KIAA1958: variants seen among roughly 807,000 people sequenced by gnomAD.
The protein encoded by KIAA1958 is uncharacterized protein KIAA1958.
In KIAA1958, 14 loss-of-function variants were observed where a neutral mutation model predicts 47.2. The ratio of observed to expected loss-of-function variants is 0.30; its 90% CI spans 0.20 to 0.46. The LOEUF is 0.46. Ranked by LOEUF, KIAA1958 falls within the 20% of genes least tolerant of loss-of-function variation. The pLI is 1.00. For missense variants in KIAA1958, 803 were observed against 909.2 expected, an observed-to-expected ratio of 0.88 and a Z score of 1.50; for synonymous variants, 354 against 353.3, an observed-to-expected ratio of 1.00 and a Z score of -0.02.
chr9:112,607,347 A>G (rs1449612689), intron 2 of KIAA1958, among the ~76,000 whole-genome samples: 1 of 146,578 alleles, frequency 6.8e-6, no homozygotes, highest in Non-Finnish European at 1.5e-5. Flanking sequence ...AAGAAAAAAG[A>G]AAAAAAAAAG....
intron 1 of KIAA1958, among the ~76,000 whole-genome samples, chr9:112,529,563 C>G (rs1349230914): frequency 6.6e-6 from 1 of 152,130 alleles, no homozygotes; most frequent in Non-Finnish European, 1.5e-5. Context: ...GAATGTAAGA[C>G]ATTTGGGTTA....
intron 2 of KIAA1958, among the ~76,000 whole-genome samples, chr9:112,634,530 C>T (rs56064014): frequency 0.1 from 15,239 of 152,132 alleles, 1,609 homozygotes; most frequent in East Asian, 0.3. Flanking sequence ...CGCGACTGGC[C>T]GTTTTGTCCA....
At position 112,659,718 on chromosome 9, in the gene KIAA1958, C is replaced by T. The variant is rs1230805231; in HGVS notation, c.1800C>T (p.Ser600=). ...AGCCCTACTTTGCCCGGACGGACAG[C>T]GTCAAGCGGGAGAGTCGGAGCGGCT... ...QNQPYFARTD[S]VKRESRSGST... Residue 600 remains serine (S), a synonymous_variant, in exon 4 of 4, where the codon AGC becomes AGT. Coordinates refer to ENST00000337530, the MANE Select transcript of KIAA1958 (RefSeq NM_133465.4). The T allele has an allele frequency of 2.7e-5, 44 of 1,614,050 alleles. No individual in the cohort carries two copies. The highest frequency in any genetic ancestry group is 3.6e-5 in the Non-Finnish European group (43 of 1,180,038).
At chr9:112,604,352 G>T (rs550597951) in intron 2 of KIAA1958, among the ~76,000 whole-genome samples, 1 of 152,184 alleles carries the variant, frequency 6.6e-6, no homozygotes, top group Non-Finnish European at 1.5e-5. Context: ...TCTCTTAGAA[G>T]TCATTAACCT....
At chr9:112,621,333 G>GGAACTCTT (rs1279632836) in intron 2 of KIAA1958, among the ~76,000 whole-genome samples, 2 of 151,988 alleles carry the variant, frequency 1.3e-5, no homozygotes, top group Non-Finnish European at 2.9e-5. Context: ...CTACTTTAAG[G>GGAACTCTT]GAACTCTTAA....
At chr9:112,611,677 A>G (rs1416793574) in intron 2 of KIAA1958, among the ~76,000 whole-genome samples, 3 of 152,124 alleles carry the variant, frequency 2.0e-5, no homozygotes, top group Non-Finnish European at 4.4e-5. Context: ...AACTTAGTAT[A>G]CATTTAATTT....
chr9:112,631,139 CTT>C (rs1334578032), intron 2 of KIAA1958, among the ~76,000 whole-genome samples: 1 of 152,074 alleles, frequency 6.6e-6, no homozygotes, highest in Non-Finnish European at 1.5e-5. Context: ...GTATAAAACT[CTT>C]AATGTTGGTG....
Position 112,574,499 on chromosome 9 carries a change from A to G in KIAA1958, c.419A>G (p.Asp140Gly). 2 of 1,614,140 alleles carry G rather than the reference A, an allele frequency of 1.2e-6. No individual in the cohort carries two copies. The highest frequency in any genetic ancestry group is 1.7e-6 in the Non-Finnish European group (2 of 1,180,010). ...GATGAAACTGTTGAAGAATATGAAG[A>G]TGAGAACACCCTGTTTGACATGGTT... ...ELDETVEEYE[D>G]ENTLFDMVCE... Residue 140 changes from aspartate (D) to glycine (G), a missense_variant, in exon 2 of 4, where the codon GAT becomes GGT. Around this residue, in one of 2 missense-constraint regions of KIAA1958, gnomAD observed 761 missense variants for 829.3 expected, o/e 0.92. Coordinates refer to ENST00000337530, the MANE Select transcript of KIAA1958 (RefSeq NM_133465.4).
intron 2 of KIAA1958, among the ~76,000 whole-genome samples, chr9:112,598,652 T>C (rs539994801): frequency 1.1e-4 from 16 of 152,338 alleles, no homozygotes; most frequent in Admixed American, 7.8e-4. Context: ...GGCATTACTA[T>C]GTTAATAGTA....
chr9:112,582,224 A>G (rs1835748199), intron 2 of KIAA1958, among the ~76,000 whole-genome samples: 1 of 152,192 alleles, frequency 6.6e-6, no homozygotes, highest in Admixed American at 6.5e-5. Flanking sequence ...ACATTTTTAA[A>G]TGACTAGAGA....
At chr9:112,617,032 T>A (rs1836418674) in intron 2 of KIAA1958, among the ~76,000 whole-genome samples, 1 of 152,228 alleles carries the variant, frequency 6.6e-6, no homozygotes, top group Non-Finnish European at 1.5e-5. Context: ...AAGACAGCTA[T>A]TCTAGGGCAG....
In KIAA1958 at chr9:112,661,302, A is replaced by G. The variant is rs961468087; in HGVS notation, c.*1233A>G. ...CTCAGGTAAAATGCAACCTGACCAC[A>G]TTATTTAAAAATCAGCAGAATTTTC... On this transcript the variant is annotated 3_prime_UTR_variant, in exon 4 of 4. Transcript: ENST00000337530. The G allele has an allele frequency of 1.3e-5, 2 of 152,236 alleles. No homozygotes were observed. The highest frequency in any genetic ancestry group is 4.8e-5 in the African/African-American group (2 of 41,464). The allele number at this position is 152,236 out of a possible 1,614,324, so 9.4% of individuals were successfully genotyped here. A position where few individuals can be genotyped will look rare whatever the true frequency, so the allele number is the denominator to read the frequency against.
intron 2 of KIAA1958, among the ~76,000 whole-genome samples, chr9:112,628,820 C>T (rs1393166373): frequency 6.6e-6 from 1 of 152,080 alleles, no homozygotes; most frequent in Non-Finnish European, 1.5e-5. Context: ...TCCAATTTCT[C>T]CCACAATTTT....
intron 2 of KIAA1958, among the ~76,000 whole-genome samples, chr9:112,640,107 C>T (rs1052232433): frequency 2.0e-5 from 3 of 152,198 alleles, no homozygotes; most frequent in African/African-American, 7.2e-5. Flanking sequence ...TGCCTGTTAA[C>T]TTGCTATTGA....
chr9:112,616,866 A>G (rs538298567), intron 2 of KIAA1958, among the ~76,000 whole-genome samples: 2 of 152,228 alleles, frequency 1.3e-5, no homozygotes, highest in Non-Finnish European at 2.9e-5. Context: ...CCTGCCTAGG[A>G]CACAAGCACT....
intron 1 of KIAA1958, among the ~76,000 whole-genome samples, chr9:112,572,917 T>C (rs184684015): frequency 1.5e-3 from 230 of 152,324 alleles, no homozygotes; most frequent in African/African-American, 4.8e-3. Context: ...TGTAACCACC[T>C]GACATTGTGG....
At chr9:112,651,616 G>A (rs1395812380) in intron 3 of KIAA1958, among the ~76,000 whole-genome samples, 2 of 152,092 alleles carry the variant, frequency 1.3e-5, no homozygotes, top group East Asian at 1.9e-4. Flanking sequence ...GGTTGGTCTC[G>A]AACTCCTGAC....
At chr9:112,504,815 T>C (rs1834205934) in intron 1 of KIAA1958, among the ~76,000 whole-genome samples, 2 of 152,218 alleles carry the variant, frequency 1.3e-5, no homozygotes. Flanking sequence ...TGTGTAGATG[T>C]ATATACATTT....
intron 1 of KIAA1958, among the ~76,000 whole-genome samples, chr9:112,547,058 A>C (rs1016686335): frequency 4.0e-5 from 6 of 151,800 alleles, no homozygotes; most frequent in African/African-American, 1.4e-4. Flanking sequence ...TCAGCCTCCC[A>C]AGTAGCTGGG....
Sources: gnomAD v4.1 joint callset for allele counts (sites outside exome capture counted in the v4.1 genomes callset) on GRCh38, gnomAD v4.1.1 for gene constraint, gnomAD v4.1.1 regional missense constraint, MANE v1.5 for transcripts, NCBI Gene and HGNC (gene_info 2026-07-23, HGNC 2026-07-21) for gene names.